The following MKRN1 variants were observed in gnomAD, a reference collection of about 807,000 sequenced individuals.
The protein encoded by MKRN1 is makorin ring finger protein 1.
In MKRN1, 9 loss-of-function variants were observed where a neutral mutation model predicts 55.5. The observed-to-expected ratio is 0.16, with a 90% CI of 0.10 to 0.28. The LOEUF (loss-of-function observed/expected upper bound fraction) is 0.28, where lower values mean the gene tolerates loss of function less well. MKRN1 is among the 10% of genes least tolerant of loss of function. The probability of loss-of-function intolerance (pLI) is 1.00; values close to 1 mark genes in which losing one functional copy is unlikely to be tolerated. For missense variants in MKRN1, 488 were observed against 626.7 expected (o/e 0.78, Z 2.36); for synonymous variants, 253 against 235.9 (o/e 1.07, Z -0.66).
chr7:140,465,652 A>G (rs1379673532), intron 2 of MKRN1, among the ~76,000 whole-genome samples: 1 of 152,168 alleles, frequency 6.6e-6, no homozygotes, highest in Non-Finnish European at 1.5e-5. Context: ...CACCATTACG[A>G]AACACTGATG....
chr7:140,475,184 G>A lies in MKRN1; in HGVS notation c.186-3173C>T, dbSNP rs558148463. On this transcript the variant is annotated intron_variant, in intron 1 of 7. Transcript: ENST00000255977. Reference sequence around the variant, plus strand: ...TGGTGAAACCCCATCTCTACTAAACGTACAAATAATTAGCCGAGTGTGATG... The same window carrying A: ...TGGTGAAACCCCATCTCTACTAAACATACAAATAATTAGCCGAGTGTGATG... The A allele has an allele frequency of 1.7e-4, 75 of 433,746 alleles. 1 individual carries two copies. Among genetic ancestry groups the A allele is most frequent in the South Asian group, 1.1e-3 (65 of 61,776 alleles). The allele number at this position is 433,746 out of a possible 1,614,324, so 26.9% of individuals were successfully genotyped here.
At chr7:140,455,598 T>C (rs1336235417) in intron 6 of MKRN1, 192 bp downstream of exon 6, 5 of 584,632 alleles carry the variant, frequency 8.6e-6, no homozygotes, top group Non-Finnish European at 1.5e-5. Flanking sequence ...CACAGTCCCT[T>C]GGCATGGACC....
chr7:140,463,686 C>T (rs2130290206), intron 2 of MKRN1, among the ~76,000 whole-genome samples: 1 of 152,036 alleles, frequency 6.6e-6, no homozygotes, highest in Middle Eastern at 3.4e-3. Context: ...GAGATGGAGA[C>T]CATCCTGGCT....
chr7:140,468,028 G>T (rs992295737), intron 2 of MKRN1, among the ~76,000 whole-genome samples: 2 of 146,026 alleles, frequency 1.4e-5, no homozygotes, highest in Non-Finnish European at 3.0e-5. Flanking sequence ...AAAATGCAGA[G>T]GCTTAGCACA....
chr7:140,465,482 AAAG>A (rs1293393854), intron 2 of MKRN1, among the ~76,000 whole-genome samples: 1 of 152,082 alleles, frequency 6.6e-6, no homozygotes, highest in African/African-American at 2.4e-5. Context: ...AAAAAAAAAG[AAAG>A]AAGTCAACCA....
intron 5 of MKRN1, chr7:140,456,122 T>A (rs1227076202): frequency 7.9e-6 from 9 of 1,145,320 alleles, no homozygotes; most frequent in Non-Finnish European, 1.0e-5. Context: ...TCTTTTTTTT[T>A]TTTTTTGAAA....
intron 2 of MKRN1, among the ~76,000 whole-genome samples, chr7:140,462,547 T>G (rs904589618): frequency 1.3e-5 from 2 of 152,146 alleles, no homozygotes. Context: ...CTTTAATCAT[T>G]GTTATTATTA....
intron 1 of MKRN1, among the ~76,000 whole-genome samples, chr7:140,475,627 G>A (rs1477368953): frequency 6.6e-6 from 1 of 152,128 alleles, no homozygotes; most frequent in African/African-American, 2.4e-5. Context: ...CACTGCCACT[G>A]CATTCCAGCC....
chr7:140,471,194 C>T (rs746028532), intron 2 of MKRN1, among the ~76,000 whole-genome samples: 1 of 151,986 alleles, frequency 6.6e-6, no homozygotes, highest in Non-Finnish European at 1.5e-5. Context: ...GACCAGCCTA[C>T]GCAACATATT....
chr7:140,461,272 T>A (rs1036535292), intron 2 of MKRN1, among the ~76,000 whole-genome samples: 2 of 152,200 alleles, frequency 1.3e-5, no homozygotes, highest in African/African-American at 4.8e-5. Context: ...CCCTATGCAT[T>A]CTCTCCTTTT....
chr7:140,474,062 A>AAAGAAAGG (rs1284287970), intron 1 of MKRN1, among the ~76,000 whole-genome samples: 1 of 145,822 alleles, frequency 6.9e-6, no homozygotes, highest in Non-Finnish European at 1.5e-5. Context: ...AGAAAGAAAG[A>AAAGAAAGG]AAGAATAAAA....
intron 1 of MKRN1, among the ~76,000 whole-genome samples, chr7:140,476,616 T>C (rs1437527781): frequency 4.0e-5 from 6 of 150,486 alleles, no homozygotes; most frequent in East Asian, 1.9e-4. Context: ...TCTAGGTATA[T>C]GACTTTATCA....
intron 1 of MKRN1, among the ~76,000 whole-genome samples, chr7:140,476,434 T>TGCACTCCAGCCTGGGCGACAGAGCG (rs1795117478): frequency 7.7e-6 from 1 of 129,976 alleles, no homozygotes; most frequent in Non-Finnish European, 1.5e-5. Flanking sequence ...ATCTCGCCAC[T>TGCACTCCAGCCTGGGCGACAGAGCG]GCACTCCAGC....
chr7:140,465,166 C>G (rs1371509767), intron 2 of MKRN1, among the ~76,000 whole-genome samples: 1 of 152,098 alleles, frequency 6.6e-6, no homozygotes, highest in Non-Finnish European at 1.5e-5. Flanking sequence ...GTATTGGATT[C>G]TTCAGTTGGT....
At chr7:140,455,406 A>G (rs1295765984) in intron 6 of MKRN1, 173 bp from the exon 7 acceptor site, 1 of 748,480 alleles carries the variant, frequency 1.3e-6, no homozygotes, top group Non-Finnish European at 2.1e-6. Context: ...CACTAACTAG[A>G]AACCGGTAAC....
At chr7:140,477,225 A>G (rs1198664305) in intron 1 of MKRN1, among the ~76,000 whole-genome samples, 1 of 152,172 alleles carries the variant, frequency 6.6e-6, no homozygotes, top group Non-Finnish European at 1.5e-5. Context: ...CCCCAGACCT[A>G]TCAAGGAATC....
chr7:140,459,037 C>A lies in MKRN1; in HGVS notation c.741G>T (p.Met247Ile), dbSNP rs543440285. ...TATGCTGCGATCTCTGGGCAGCATC[C>A]ATTGGATGCAGGACCTGCAGCCCAC... is the stretch of plus-strand genomic sequence containing the variant. The part of the protein sequence containing the change: ...DMCGLQVLHP[M>I]DAAQRSQHIK... The change falls in exon 4 of 8, where the codon ATG becomes ATT. Residue 247 changes from methionine to isoleucine, a missense_variant. Physicochemically the swap from Met to Ile is conservative, Grantham distance 10. Around this residue, in one of 2 missense-constraint regions of MKRN1, gnomAD observed 278 missense variants for 406.7 expected, o/e 0.68. Transcript: ENST00000255977. 6.2e-6 allele frequency: 10 copies of A among 1,613,966 alleles called. No individual in the cohort carries two copies. The South Asian group carries it at 7.7e-5, about 12-fold the overall frequency.
rs572012392 is a variant in MKRN1, at chr7:140,472,000, T to C, written c.197A>G (p.His66Arg). 6.2e-6 allele frequency: 10 copies of C among 1,614,018 alleles called. No individual in the cohort carries two copies. The Admixed American group carries it at 6.7e-5, about 11-fold the overall frequency. ...TKQVTCRYFM[H>R]GVCKEGDNCR... ...GTTGTCTCCTTCCTTACAAACCCCATGCATAAAATACCTGTGAGACGAAAG... is the reference window on the plus strand; with the variant it reads ...GTTGTCTCCTTCCTTACAAACCCCACGCATAAAATACCTGTGAGACGAAAG... The change falls in exon 2 of 8, where the codon CAT (histidine) becomes CGT (arginine). Residue 66 changes from histidine (H) to arginine (R), a missense_variant. This residue lies in a region of MKRN1 where 210 missense variants were observed against 220.0 expected (regional missense o/e 0.95). Coordinates refer to ENST00000255977, the MANE Select transcript of MKRN1 (RefSeq NM_013446.4).
chr7:140,456,639 G>A lies in MKRN1; in HGVS notation c.986+13C>T, dbSNP rs1794473751. 1 of 1,613,256 alleles carries A rather than the reference G, an allele frequency of 6.2e-7. No individual in the cohort carries two copies. The highest frequency in any genetic ancestry group is 1.3e-5 in the African/African-American group (1 of 75,018). On this transcript the variant is annotated intron_variant, in intron 5 of 7. Coordinates refer to ENST00000255977, the MANE Select transcript of MKRN1 (RefSeq NM_013446.4). ...AAGAGAAAGCACAAATGAAGACTGGGGAGGAGTCTCACTTTATGATCTTGC... is the reference window on the plus strand; with the variant it reads ...AAGAGAAAGCACAAATGAAGACTGGAGAGGAGTCTCACTTTATGATCTTGC...
Sources: allele counts gnomAD v4.1 joint callset (sites outside exome capture counted in the v4.1 genomes callset), GRCh38; gene constraint gnomAD v4.1.1; regional missense constraint gnomAD v4.1.1; transcripts MANE v1.5; gene names NCBI Gene and HGNC (gene_info 2026-07-23, HGNC 2026-07-21).